The following WBP11 variants were observed in gnomAD, a reference collection of about 807,000 sequenced individuals.
The protein encoded by WBP11 is WW domain binding protein 11.
A neutral mutation model predicts 66.7 loss-of-function variants in WBP11; 12 were observed. The observed-to-expected ratio is 0.18, with a 90% CI of 0.12 to 0.29. The LOEUF is 0.29. Ranked by LOEUF, WBP11 falls within the 10% of genes least tolerant of loss-of-function variation. The probability of loss-of-function intolerance (pLI) is 1.00; values close to 1 mark genes in which losing one functional copy is unlikely to be tolerated. For missense variants in WBP11, 555 were observed against 818.3 expected, an observed-to-expected ratio of 0.68 and a Z score of 3.93; for synonymous variants, 255 against 273.8, an observed-to-expected ratio of 0.93 and a Z score of 0.68.
intron 9 of WBP11, 32 bp from the exon 10 acceptor site, chr12:14,790,781 T>C (rs761349382): frequency 1.3e-6 from 2 of 1,581,590 alleles, no homozygotes; most frequent in East Asian, 4.5e-5. Flanking sequence ...GTAAATGGAG[T>C]TGATTCATTT....
intron 8 of WBP11, among the ~76,000 whole-genome samples, chr12:14,792,678 C>G (rs1949834064): frequency 6.6e-6 from 1 of 151,846 alleles, no homozygotes; most frequent in South Asian, 2.1e-4. Flanking sequence ...ACTAAAAATA[C>G]AAAAATTAGC....
intron 2 of WBP11, chr12:14,801,046 G>A (rs1949956379): frequency 6.6e-6 from 3 of 454,598 alleles, no homozygotes; most frequent in Non-Finnish European, 1.2e-5. Context: ...GCGAAACAAG[G>A]GCTCGCAAAA....
At chr12:14,795,738 A>C (rs1949886262) in intron 5 of WBP11, among the ~76,000 whole-genome samples, 1 of 152,160 alleles carries the variant, frequency 6.6e-6, no homozygotes, top group South Asian at 2.1e-4. Context: ...TCAAAAACAA[A>C]AAATAAACAA....
At chr12:14,794,937 T>C in intron 6 of WBP11, 34 bp downstream of exon 6, 1 of 1,612,224 alleles carries the variant, frequency 6.2e-7, no homozygotes, top group Non-Finnish European at 8.5e-7. Context: ...GTGCCTTTAC[T>C]AAATGCTCTC....
At chr12:14,789,246 C>T in intron 10 of WBP11, 113 bp from the exon 11 acceptor site, 1 of 1,002,966 alleles carries the variant, frequency 1.0e-6, no homozygotes, top group Admixed American at 3.9e-5. Context: ...AGATTAACTT[C>T]AAGAAGTTAA....
At chr12:14,794,007 T>A in intron 7 of WBP11, 85 bp from the exon 8 acceptor site, 1 of 998,082 alleles carries the variant, frequency 1.0e-6, no homozygotes, top group Non-Finnish European at 1.4e-6. Flanking sequence ...AATTATGCTA[T>A]TCAACTCAGA....
intron 4 of WBP11, among the ~76,000 whole-genome samples, chr12:14,798,450 T>G (rs1403204306): frequency 6.6e-6 from 1 of 152,176 alleles, no homozygotes; most frequent in African/African-American, 2.4e-5. Flanking sequence ...TTATCTCCTT[T>G]TAAAACAACA....
intron 6 of WBP11, 79 bp from the exon 7 acceptor site, chr12:14,794,815 A>G (rs755103351): frequency 5.2e-6 from 8 of 1,536,606 alleles, no homozygotes; most frequent in South Asian, 3.9e-5. Flanking sequence ...TTTCTCTTCT[A>G]AACAATTTTC....
chr12:14,801,167 A>T, intron 2 of WBP11, 153 bp downstream of exon 2: 1 of 608,376 alleles, frequency 1.6e-6, no homozygotes, highest in Non-Finnish European at 2.7e-6. Flanking sequence ...TTGCATATTT[A>T]AAGTCTTAAT....
chr12:14,799,484 C>T, intron 4 of WBP11, 151 bp downstream of exon 4: 1 of 695,548 alleles, frequency 1.4e-6, no homozygotes, highest in Non-Finnish European at 2.3e-6. Context: ...CCCTCTAGCA[C>T]TCCATTTTGT....
chr12:14,795,208 T>A, intron 5 of WBP11, 104 bp from the exon 6 acceptor site: 1 of 1,241,672 alleles, frequency 8.1e-7, no homozygotes, highest in Non-Finnish European at 1.1e-6. Flanking sequence ...GCTTTCCAAC[T>A]AACATAAATA....
At chr12:14,792,200 A>G (rs1366787574) in intron 8 of WBP11, among the ~76,000 whole-genome samples, 1 of 152,190 alleles carries the variant, frequency 6.6e-6, no homozygotes, top group East Asian at 1.9e-4. Flanking sequence ...AAAGCCAGCA[A>G]TCTAATTCAC....
chr12:14,789,010 A>G lies in WBP11; in HGVS notation c.1433T>C (p.Leu478Pro), dbSNP rs773259503. Reference sequence around the variant, plus strand: ...TCCACGAGGAGGGGGACCAGGAGGCAGACCTGGAGGTGGACCTGGGGGAGG... The same window carrying G: ...TCCACGAGGAGGGGGACCAGGAGGCGGACCTGGAGGTGGACCTGGGGGAGG... Reference protein sequence around the residue: ...PGPPPGPPPGLPPGPPPRGPP... With the variant: ...PGPPPGPPPGPPPGPPPRGPP... Residue 478 changes from leucine to proline, a missense_variant, in exon 11 of 12, where the codon CTG becomes CCG. Transcript: ENST00000261167. 6.7e-7 allele frequency: 1 copy of G among 1,488,954 alleles called. No homozygotes were observed. 92.2% of individuals were successfully genotyped at this position (1,488,954 alleles called of 1,614,324 possible).
At chr12:14,800,275 CAA>C (rs1468096843) in intron 3 of WBP11, among the ~76,000 whole-genome samples, 1 of 151,858 alleles carries the variant, frequency 6.6e-6, no homozygotes, top group African/African-American at 2.4e-5. Flanking sequence ...TACTTTGCCA[CAA>C]ATTCAACAGC....
Position 14,790,721 on chromosome 12 carries a change from T to C in WBP11, c.1044A>G (p.Glu348=), listed in dbSNP as rs748202417. ...AGQEIPEEGR[E]VEEFSEDDDE... is the part of the protein sequence containing the mutation. ...CATCGTCCTCTGAAAATTCCTCTAC[T>C]TCCCGTCCCTCCTCAGGGATTTCTT... is the stretch of plus-strand genomic sequence containing the variant. The change falls in exon 10 of 12, where the codon GAA becomes GAG. Residue 348 remains glutamate (E), a synonymous_variant. Transcript: ENST00000261167. The C allele has an allele frequency of 8.7e-6, 14 of 1,613,910 alleles. No individual in the cohort carries two copies. The Admixed American group carries it at 1.3e-4, about 15-fold the overall frequency.
intron 5 of WBP11, 46 bp from the exon 6 acceptor site, chr12:14,795,150 T>C: frequency 4.7e-6 from 7 of 1,495,546 alleles, no homozygotes; most frequent in Non-Finnish European, 6.2e-6. Flanking sequence ...AGTCATCTAC[T>C]AACTAAACAC....
At chr12:14,793,394 C>A (rs1160070700) in intron 8 of WBP11, among the ~76,000 whole-genome samples, 1 of 152,144 alleles carries the variant, frequency 6.6e-6, no homozygotes, top group Non-Finnish European at 1.5e-5. Flanking sequence ...TTATAAAATA[C>A]AACATCAATG....
In WBP11 at chr12:14,785,927, G is replaced by C. The variant is rs564988320; in HGVS notation, c.*1138C>G. On this transcript the variant is annotated 3_prime_UTR_variant, in exon 12 of 12. Coordinates refer to ENST00000261167, the MANE Select transcript of WBP11 (RefSeq NM_016312.3). ...ATCTATAGGGTTAATTGGTAGATGA[G>C]TTAGTCATTAAATTAACATTAAACT... The C allele has an allele frequency of 4.1e-5, 6 of 146,126 alleles. No individual in the cohort carries two copies. Among genetic ancestry groups the C allele is most frequent in the African/African-American group, 1.6e-4 (6 of 38,412 alleles). 9.1% of individuals were successfully genotyped at this position (146,126 alleles called of 1,614,324 possible).
intron 8 of WBP11, among the ~76,000 whole-genome samples, chr12:14,791,524 C>T (rs902802178): frequency 6.6e-6 from 1 of 152,120 alleles, no homozygotes; most frequent in African/African-American, 2.4e-5. Flanking sequence ...AGATCTACTC[C>T]TTAAAGGCTA....
Sources: allele counts gnomAD v4.1 joint callset (sites outside exome capture counted in the v4.1 genomes callset), GRCh38; gene constraint gnomAD v4.1.1; transcripts MANE v1.5; gene names NCBI Gene and HGNC (gene_info 2026-07-23, HGNC 2026-07-21).